Variants in RAD51AP1 observed in about 807,000 individuals in gnomAD.
RAD51AP1 encodes RAD51-associated protein 1.
Under a neutral mutation model 34.3 loss-of-function variants are expected in RAD51AP1, and 14 were observed. That is an observed-to-expected ratio of 0.41 (90% CI 0.27 to 0.64). RAD51AP1 has a LOEUF of 0.64. RAD51AP1 is among the 30% of genes least tolerant of loss of function. The pLI is 0.33. For synonymous variants in RAD51AP1, 114 were observed against 129.8 expected, an observed-to-expected ratio of 0.88 and a Z score of 0.83; for missense variants, 348 against 386.9, an observed-to-expected ratio of 0.90 and a Z score of 0.84.
intron 1 of RAD51AP1, among the ~76,000 whole-genome samples, chr12:4,540,031 T>G (rs1159242313): frequency 6.6e-6 from 1 of 152,064 alleles, no homozygotes; most frequent in Non-Finnish European, 1.5e-5. Flanking sequence ...GTATTATTAG[T>G]GGGCATGGAA....
At chr12:4,543,940 A>G in intron 3 of RAD51AP1, 36 bp downstream of exon 3, 2 of 1,521,794 alleles carry the variant, frequency 1.3e-6, no homozygotes. Context: ...ATATGACATT[A>G]GATGTGTTAA....
rs1182998908 is a variant in RAD51AP1, at chr12:4,559,019, TG to T, written c.*29del. 6.2e-7 allele frequency: 1 copy of T among 1,610,814 alleles called. No homozygotes were observed. Among genetic ancestry groups the T allele is most frequent in the East Asian group, 2.2e-5 (1 of 44,848 alleles). The stretch of plus-strand genomic sequence containing the variant: ...GTGTGGTACAGGAGGAATGTTTGGT[TG>T]GGAGAATCACAGCTTTACAAGGGTG... On this transcript the variant is annotated 3_prime_UTR_variant, in exon 9 of 9. Transcript: ENST00000352618.
At chr12:4,547,219 C>T (rs951351802) in intron 4 of RAD51AP1, among the ~76,000 whole-genome samples, 5 of 152,164 alleles carry the variant, frequency 3.3e-5, no homozygotes, top group South Asian at 2.1e-4. Context: ...AGGCATGTGC[C>T]GCCATGCCTG....
intron 6 of RAD51AP1, among the ~76,000 whole-genome samples, chr12:4,550,057 G>A (rs1408712358): frequency 6.6e-6 from 1 of 152,182 alleles, no homozygotes; most frequent in African/African-American, 2.4e-5. Flanking sequence ...AGAGAAAATT[G>A]CAGAGAAGAT....
chr12:4,543,397 T>C lies in RAD51AP1; in HGVS notation c.68-366T>C, dbSNP rs1023863146. Among the ~76,000 whole-genome samples the C allele has an allele frequency of 2.0e-5, 3 of 152,314 alleles. No individual in the cohort carries two copies. The East Asian group carries it at 5.8e-4, about 29-fold the overall frequency. On this transcript the variant is annotated intron_variant, in intron 2 of 8. Transcript: ENST00000352618. The stretch of plus-strand genomic sequence containing the variant: ...CTTTGAAAAAAGATATTTGGCTACA[T>C]TGTGAAGTTCCCATAAAAATAATTT...
intron 1 of RAD51AP1, 82 bp downstream of exon 1, chr12:4,539,038 G>C: frequency 6.6e-7 from 1 of 1,505,986 alleles, no homozygotes. Context: ...GATCGAGTAA[G>C]ACCGGAGGGC....
intron 1 of RAD51AP1, among the ~76,000 whole-genome samples, chr12:4,540,089 C>T (rs906979423): frequency 1.3e-5 from 2 of 152,080 alleles, no homozygotes; most frequent in Non-Finnish European, 2.9e-5. Flanking sequence ...GTGGACAGAA[C>T]TTGCTGATGA....
chr12:4,548,611 T>C, intron 5 of RAD51AP1, 76 bp from the exon 6 acceptor site: 2 of 1,486,478 alleles, frequency 1.3e-6, no homozygotes, highest in Middle Eastern at 1.8e-4. Flanking sequence ...ATAGCTGTAA[T>C]AGAGTCTGGT....
At chr12:4,545,134 A>G (rs952734191) in intron 3 of RAD51AP1, 4 of 415,036 alleles carry the variant, frequency 9.6e-6, no homozygotes, top group African/African-American at 8.3e-5. Context: ...ATAATAGCTA[A>G]AAAAAAATGG....
chr12:4,539,726 T>A (rs892968822), intron 1 of RAD51AP1, among the ~76,000 whole-genome samples: 5 of 152,164 alleles, frequency 3.3e-5, no homozygotes, highest in African/African-American at 1.2e-4. Context: ...GACCATATTT[T>A]AGGGACAGTC....
Position 4,545,406 on chromosome 12 carries a change from G to C in RAD51AP1, c.210-903G>C, listed in dbSNP as rs181426721. ...GATTAATGGTTGCTAGGAGGGGAGA[G>C]GGGTAAACAGGAAGTGAATGCTAAT... On this transcript the variant is annotated intron_variant, in intron 3 of 8. Coordinates refer to ENST00000352618, the MANE Select transcript of RAD51AP1 (RefSeq NM_006479.5). 9.9e-4 allele frequency: 308 copies of C among 312,564 alleles called. 2 individuals carry two copies. The highest frequency in any genetic ancestry group is 6.2e-3 in the African/African-American group (285 of 45,842). The allele number at this position is 312,564 out of a possible 1,614,324, so 19.4% of individuals were successfully genotyped here.
chr12:4,558,891 A>C lies in RAD51AP1; in HGVS notation c.906A>C (p.Pro302=). 6.2e-7 allele frequency: 1 copy of C among 1,614,062 alleles called. No individual in the cohort carries two copies. Among genetic ancestry groups the C allele is most frequent in the Non-Finnish European group, 8.5e-7 (1 of 1,179,948 alleles). Reference sequence around the variant, plus strand: ...GAGGTAGCAGAAGTAGCAGCAGCCCACTGGTGGTAGTGTCTGTGAAGTCTC... The same window carrying C: ...GAGGTAGCAGAAGTAGCAGCAGCCCCCTGGTGGTAGTGTCTGTGAAGTCTC... ...ASGGSRSSSS[P]LVVVSVKSPN... is the part of the protein sequence containing the mutation. The change falls in exon 9 of 9, where the codon CCA becomes CCC. Residue 302 remains proline, a synonymous_variant. Transcript: ENST00000352618.
chr12:4,554,468 G>A lies in RAD51AP1; in HGVS notation c.721+1321G>A, dbSNP rs192994052. Among the ~76,000 whole-genome samples the A allele has an allele frequency of 2.2e-4, 33 of 152,336 alleles. 1 individual carries two copies. In the East Asian group the frequency reaches 6.4e-3, roughly 29 times the overall value. ...GACGATGTAGACATCTGAGGAGCCA[G>A]TATTCTGCCTACTACAAGCTATAAT... On this transcript the variant is annotated intron_variant, in intron 7 of 8. Coordinates refer to ENST00000352618, the MANE Select transcript of RAD51AP1 (RefSeq NM_006479.5).
chr12:4,551,137 C>T (rs115123349), intron 6 of RAD51AP1, among the ~76,000 whole-genome samples: 2,163 of 151,984 alleles, frequency 0.014, 59 homozygotes, highest in African/African-American at 0.05. Context: ...CTCCTCCCCC[C>T]ACCACCAAAA....
intron 1 of RAD51AP1, among the ~76,000 whole-genome samples, chr12:4,540,788 G>A (rs190355845): frequency 8.9e-4 from 136 of 152,246 alleles, no homozygotes; most frequent in African/African-American, 3.2e-3. Context: ...AATAGTTTGC[G>A]TGAGGAAACA....
At chr12:4,541,622 T>C (rs1405129603) in intron 1 of RAD51AP1, among the ~76,000 whole-genome samples, 4 of 152,164 alleles carry the variant, frequency 2.6e-5, no homozygotes, top group Admixed American at 2.0e-4. Context: ...TCAGGTATAG[T>C]TGTAACTATT....
intron 6 of RAD51AP1, among the ~76,000 whole-genome samples, chr12:4,549,570 C>A (rs1266975640): frequency 1.3e-5 from 2 of 152,084 alleles, no homozygotes; most frequent in Non-Finnish European, 2.9e-5. Context: ...CAGCTCCTGT[C>A]CTTCTGGAAC....
intron 1 of RAD51AP1, 78 bp downstream of exon 1, chr12:4,539,034 GT>G: frequency 6.5e-7 from 1 of 1,530,904 alleles, no homozygotes; most frequent in Non-Finnish European, 9.0e-7. Context: ...AAAGGATCGA[GT>G]AAGACCGGAG....
rs766812935 is a variant in RAD51AP1, at chr12:4,553,169, T to C, written c.721+22T>C. The C allele has an allele frequency of 6.8e-6, 10 of 1,478,134 alleles. No individual in the cohort carries two copies. In the South Asian group the frequency reaches 1.4e-4, roughly 21 times the overall value. 91.6% of individuals were successfully genotyped at this position (1,478,134 alleles called of 1,614,324 possible). On this transcript the variant is annotated intron_variant, in intron 7 of 8. Coordinates refer to ENST00000352618, the MANE Select transcript of RAD51AP1 (RefSeq NM_006479.5). ...TTGGGTAAGCTTGGTCCAAAACACT[T>C]AATTTTATAAAGGAAATGTATGTGG...
Sources: gnomAD v4.1 joint callset for allele counts (sites outside exome capture counted in the v4.1 genomes callset) on GRCh38, gnomAD v4.1.1 for gene constraint, MANE v1.5 for transcripts, NCBI Gene and HGNC (gene_info 2026-07-23, HGNC 2026-07-21) for gene names.